LPGAT1: variants seen among roughly 807,000 people sequenced by gnomAD.
LPGAT1 encodes lysophosphatidylglycerol acyltransferase 1, also known as acyl-CoA:lysophosphatidylglycerol acyltransferase 1.
LPGAT1 carries 11 observed loss-of-function variants against 47.5 expected under a neutral mutation model. The ratio of observed to expected loss-of-function variants is 0.23; its 90% CI spans 0.15 to 0.38. The LOEUF (loss-of-function observed/expected upper bound fraction) is 0.38, where lower values mean the gene tolerates loss of function less well. Among genes scored for constraint, LPGAT1 ranks in the 10% least tolerant of loss-of-function variants. The probability of loss-of-function intolerance (pLI) is 1.00; values close to 1 mark genes in which losing one functional copy is unlikely to be tolerated. For missense variants in LPGAT1, 293 were observed against 439.0 expected, an observed-to-expected ratio of 0.67 and a Z score of 2.97; for synonymous variants, 138 against 144.2, an observed-to-expected ratio of 0.96 and a Z score of 0.31.
intron 6 of LPGAT1, among the ~76,000 whole-genome samples, chr1:211,770,194 T>G (rs1658104788): frequency 6.6e-6 from 1 of 152,188 alleles, no homozygotes; most frequent in African/African-American, 2.4e-5. Context: ...TGCAGTAATA[T>G]CCTGTCTTTC....
rs1656983146 is a variant in LPGAT1 at position 211,747,317 on chromosome 1, T to C, written c.*2582A>G. On this transcript the variant is annotated 3_prime_UTR_variant, in exon 8 of 8. Transcript: ENST00000366997. ...AACATGTTAAAGAATCAAAGAAGGA[T>C]AGGGCAGATCAAATACACATCTATT... 1 of 152,138 alleles carries C rather than the reference T, an allele frequency of 6.6e-6. No homozygotes were observed. The highest frequency in any genetic ancestry group is 2.4e-5 in the African/African-American group (1 of 41,456). 9.4% of individuals were successfully genotyped at this position (152,138 alleles called of 1,614,324 possible).
intron 6 of LPGAT1, among the ~76,000 whole-genome samples, chr1:211,766,392 T>C (rs1235425494): frequency 6.6e-6 from 1 of 152,052 alleles, no homozygotes; most frequent in Admixed American, 6.6e-5. Context: ...TACAACGGGG[T>C]TACATTGTGA....
At position 211,778,368 on chromosome 1, in the gene LPGAT1, A is replaced by C. The variant is rs1274685398; in HGVS notation, c.854+550T>G. On this transcript the variant is annotated intron_variant, in intron 6 of 7. Coordinates refer to ENST00000366997, the MANE Select transcript of LPGAT1 (RefSeq NM_014873.3). ...AAAAAAAAAAAAAAAAAAAAAAAAA[A>C]AAAAAAGGAAGGCATGAATAATCCA... 4.1e-3 allele frequency among the ~76,000 whole-genome samples: 618 copies of C among 151,696 alleles called. 26 individuals carry two copies. The highest frequency in any genetic ancestry group is 0.014 in the African/African-American group (590 of 41,308).
chr1:211,781,626 C>T (rs1030054732), intron 5 of LPGAT1, among the ~76,000 whole-genome samples: 10 of 152,184 alleles, frequency 6.6e-5, no homozygotes, highest in African/African-American at 1.9e-4. Flanking sequence ...ATTATTTCTA[C>T]GTCTGGTCCT....
rs779199809 is a variant in LPGAT1 at position 211,749,909 on chromosome 1, C to T, written c.1103G>A (p.Cys368Tyr). 1 of 1,613,698 alleles carries T rather than the reference C, an allele frequency of 6.2e-7. No individual in the cohort carries two copies. Among genetic ancestry groups the T allele is most frequent in the Non-Finnish European group, 8.5e-7 (1 of 1,179,882 alleles). ...AGTCCACGTCAATTCCTAAAACAGG[C>T]AATGGTAAAAATACTGAATGATGTT... ...WYNIIQYFYH[C>Y]LF Residue 368 changes from cysteine (C) to tyrosine (Y), a missense_variant, in exon 8 of 8, where the codon TGC (cysteine) becomes TAC (tyrosine). By Grantham distance (194) the Cys-to-Tyr change is radical. Transcript: ENST00000366997.
At chr1:211,787,467 G>A (rs955052849) in intron 4 of LPGAT1, among the ~76,000 whole-genome samples, 165 bp downstream of exon 4, 3 of 138,576 alleles carry the variant, frequency 2.2e-5, no homozygotes, top group Non-Finnish European at 3.0e-5. Flanking sequence ...TAGCCTGGGC[G>A]ACAGAGCGAG....
chr1:211,749,092 G>A lies in LPGAT1; in HGVS notation c.*807C>T, dbSNP rs1411459828. 3.3e-5 allele frequency: 5 copies of A among 152,646 alleles called. No homozygotes were observed. The highest frequency in any genetic ancestry group is 2.1e-4 in the South Asian group (1 of 4,828). The allele number at this position is 152,646 out of a possible 1,614,324, so 9.5% of individuals were successfully genotyped here. A position where few individuals can be genotyped will look rare whatever the true frequency, so the allele number is the denominator to read the frequency against. ...AACACACAGAGACAAGACAGTTCTC[G>A]AGAACCTCACACACTGCTATGCTCC... On this transcript the variant is annotated 3_prime_UTR_variant, in exon 8 of 8. Coordinates refer to ENST00000366997, the MANE Select transcript of LPGAT1 (RefSeq NM_014873.3).
intron 2 of LPGAT1, among the ~76,000 whole-genome samples, chr1:211,814,148 T>C (rs1660092077): frequency 6.6e-6 from 1 of 152,228 alleles, no homozygotes; most frequent in Admixed American, 6.5e-5. Flanking sequence ...TTAGCACATA[T>C]TTACAAGACA....
chr1:211,830,393 A>G lies in LPGAT1; in HGVS notation c.-28+180T>C, dbSNP rs1221901378. The G allele has an allele frequency of 1.7e-6, 2 of 1,168,686 alleles. No individual in the cohort carries two copies. Among genetic ancestry groups the G allele is most frequent in the African/African-American group, 3.2e-5 (2 of 61,716 alleles). 72.4% of individuals were successfully genotyped at this position (1,168,686 alleles called of 1,614,324 possible). Reference sequence around the variant, plus strand: ...CCTGTCACCCGGGCGGGTCCCGGGGAGGCGGGCGGATGCCCCGCGCCCCCG... The same window carrying G: ...CCTGTCACCCGGGCGGGTCCCGGGGGGGCGGGCGGATGCCCCGCGCCCCCG... On this transcript the variant is annotated intron_variant, in intron 1 of 7. Coordinates refer to ENST00000366997, the MANE Select transcript of LPGAT1 (RefSeq NM_014873.3). The surrounding 1 kb of genome is among the most constrained non-coding windows in gnomAD (Gnocchi z 5.9).
In LPGAT1 at chr1:211,792,396, C is replaced by T. The variant is rs575551715; in HGVS notation, c.357+676G>A. The T allele has an allele frequency of 2.1e-5, 3 of 145,350 alleles. No homozygotes were observed. In the East Asian group the frequency reaches 5.8e-4, roughly 28 times the overall value. The allele number at this position is 145,350 out of a possible 1,614,324, so 9.0% of individuals were successfully genotyped here. A position where few individuals can be genotyped will look rare whatever the true frequency, so the allele number is the denominator to read the frequency against. Reference sequence around the variant, plus strand: ...GTAGCTGGAACTACAAGTGGCACCACTGTGCCAGGCTAAAGCTGCTTTTTG... The same window carrying T: ...GTAGCTGGAACTACAAGTGGCACCATTGTGCCAGGCTAAAGCTGCTTTTTG... On this transcript the variant is annotated intron_variant, in intron 3 of 7. Transcript: ENST00000366997.
chr1:211,810,826 TGAG>T (rs1402279215), intron 2 of LPGAT1, among the ~76,000 whole-genome samples: 1 of 152,294 alleles, frequency 6.6e-6, no homozygotes. Flanking sequence ...CAGCTGGTAC[TGAG>T]AAGAAGAGGA....
At chr1:211,782,220 T>C (rs968636031) in intron 5 of LPGAT1, among the ~76,000 whole-genome samples, 1 of 152,252 alleles carries the variant, frequency 6.6e-6, no homozygotes, top group Non-Finnish European at 1.5e-5. Flanking sequence ...TTCCGTTGTA[T>C]GGATATTTGA....
At chr1:211,770,164 G>A (rs1239327231) in intron 6 of LPGAT1, among the ~76,000 whole-genome samples, 1 of 151,978 alleles carries the variant, frequency 6.6e-6, no homozygotes, top group Non-Finnish European at 1.5e-5. Context: ...TTTCTAATTT[G>A]TTACTCTTAC....
At chr1:211,813,401 T>C (rs1660065209) in intron 2 of LPGAT1, among the ~76,000 whole-genome samples, 1 of 152,176 alleles carries the variant, frequency 6.6e-6, no homozygotes, top group African/African-American at 2.4e-5. Flanking sequence ...CCTCAAATAA[T>C]TCAGATGTTT....
intron 1 of LPGAT1, chr1:211,829,976 G>A: frequency 2.0e-6 from 2 of 985,584 alleles, no homozygotes; most frequent in Non-Finnish European, 2.4e-6. Context: ...AGGAGTAGGG[G>A]GAAGGGAGCA....
intron 2 of LPGAT1, among the ~76,000 whole-genome samples, chr1:211,823,485 T>C (rs1660431217): frequency 6.6e-6 from 1 of 152,170 alleles, no homozygotes; most frequent in Non-Finnish European, 1.5e-5. Flanking sequence ...CCCCTCCTTT[T>C]ACCTCCCCTT....
At chr1:211,751,190 T>C (rs1041741228) in intron 6 of LPGAT1, 123 bp from the exon 7 acceptor site, 1 of 657,680 alleles carries the variant, frequency 1.5e-6, no homozygotes, top group South Asian at 2.2e-5. Flanking sequence ...TTAACAAGGG[T>C]TGGTTTCTTC....
Sources: allele counts gnomAD v4.1 joint callset (sites outside exome capture counted in the v4.1 genomes callset), GRCh38; gene constraint gnomAD v4.1.1; non-coding constraint Gnocchi (gnomAD v3.1); transcripts MANE v1.5; gene names NCBI Gene and HGNC (gene_info 2026-07-23, HGNC 2026-07-21).